PPP2R2B: variants seen among roughly 807,000 people sequenced by gnomAD.
PPP2R2B encodes the protein serine/threonine-protein phosphatase 2A 55 kDa regulatory subunit B beta isoform.
In PPP2R2B, 5 loss-of-function variants were observed where a neutral mutation model predicts 46.0. The observed-to-expected ratio is 0.11, with a 90% confidence interval of 0.06 to 0.23. PPP2R2B has a LOEUF of 0.23. PPP2R2B is among the 10% of genes least tolerant of loss of function. PPP2R2B has a pLI of 1.00. For missense variants in PPP2R2B, 367 were observed against 575.0 expected (o/e 0.64, Z 3.70); for synonymous variants, 215 against 206.7 (o/e 1.04, Z -0.34).
rs144313831 is a variant in PPP2R2B at position 147,066,689 on chromosome 5, T to A, written c.50+14370A>T. 3.5e-4 allele frequency among the ~76,000 whole-genome samples: 54 copies of A among 152,324 alleles called. No homozygotes were observed. The East Asian group carries it at 7.3e-3, about 21-fold the overall frequency. On this transcript the variant is annotated intron_variant, in intron 2 of 10. Coordinates refer to the PPP2R2B transcript ENST00000394413. ...CACCGTATTAGACAAATAAGAAAGA[T>A]ATGGCCCCTGTCTTAATGCCTTTCT... is the stretch of plus-strand genomic sequence containing the variant.
At chr5:146,877,739 G>GC (rs1761978879) in intron 2 of PPP2R2B, among the ~76,000 whole-genome samples, 1 of 152,094 alleles carries the variant, frequency 6.6e-6, no homozygotes, top group Non-Finnish European at 1.5e-5. Context: ...CTGGGCGAGA[G>GC]CCCCACCCTG....
At chr5:146,856,536 G>A in intron 2 of PPP2R2B, 1 of 1,612,550 alleles carries the variant, frequency 6.2e-7, no homozygotes, top group Non-Finnish European at 8.5e-7. Context: ...GATAATTCAT[G>A]CTTCATTATT....
chr5:146,863,953 G>T (rs1761160390), intron 2 of PPP2R2B, among the ~76,000 whole-genome samples: 2 of 152,094 alleles, frequency 1.3e-5, no homozygotes, highest in South Asian at 4.1e-4. Flanking sequence ...AATATGGACA[G>T]AACAAAAGTG....
intron 2 of PPP2R2B, among the ~76,000 whole-genome samples, chr5:146,831,044 T>C (rs1017278605): frequency 1.3e-5 from 2 of 152,104 alleles, no homozygotes; most frequent in Non-Finnish European, 2.9e-5. Flanking sequence ...TACTCTGCTG[T>C]CAGTTGTATA....
chr5:146,798,913 C>T lies in PPP2R2B; in HGVS notation c.70+79089G>A, dbSNP rs116634912. On this transcript the variant is annotated intron_variant, in intron 2 of 9. Coordinates refer to ENST00000394411, the MANE Select transcript of PPP2R2B (RefSeq NM_181675.4). ...CCACTTCACTTCTGTCTTCTTTTTCCTTGTGAGCCTGTTTAAAGGGATCTA... is the reference window on the plus strand; with the variant it reads ...CCACTTCACTTCTGTCTTCTTTTTCTTTGTGAGCCTGTTTAAAGGGATCTA... 4.6e-3 allele frequency among the ~76,000 whole-genome samples: 702 copies of T among 152,234 alleles called. 4 individuals carry two copies. The highest frequency in any genetic ancestry group is 0.016 in the African/African-American group (678 of 41,542).
At chr5:146,968,414 A>G (rs531197908) in intron 1 of PPP2R2B, among the ~76,000 whole-genome samples, 81 of 152,292 alleles carry the variant, frequency 5.3e-4, no homozygotes, top group African/African-American at 1.9e-3. Context: ...AAAGTGGGTT[A>G]GATACAGTGG....
At chr5:147,045,664 G>A (rs1756511586) in intron 1 of PPP2R2B, among the ~76,000 whole-genome samples, 1 of 152,008 alleles carries the variant, frequency 6.6e-6, no homozygotes, top group Non-Finnish European at 1.5e-5. Flanking sequence ...ATTTTTAAAT[G>A]TACACCCCTC....
At chr5:146,760,705 C>T (rs181293948) in intron 2 of PPP2R2B, among the ~76,000 whole-genome samples, 404 of 152,234 alleles carry the variant, frequency 2.7e-3, no homozygotes, top group African/African-American at 9.2e-3. Context: ...GTGAGGGATG[C>T]ATTGGAAATA....
At chr5:146,809,853 G>C (rs1353320849) in intron 2 of PPP2R2B, among the ~76,000 whole-genome samples, 1 of 152,184 alleles carries the variant, frequency 6.6e-6, no homozygotes, top group South Asian at 2.1e-4. Flanking sequence ...ACCCGGTAGG[G>C]GCTCTGTCTG....
chr5:146,603,767 C>T (rs1432264897), intron 7 of PPP2R2B, among the ~76,000 whole-genome samples: 1 of 152,126 alleles, frequency 6.6e-6, no homozygotes, highest in African/African-American at 2.4e-5. Flanking sequence ...GTTAAAACAG[C>T]CTATGAAGTA....
At chr5:146,641,496 C>A (rs1398174937) in intron 6 of PPP2R2B, among the ~76,000 whole-genome samples, 1 of 117,178 alleles carries the variant, frequency 8.5e-6, no homozygotes, top group Non-Finnish European at 1.7e-5. Flanking sequence ...TTTTTATGTG[C>A]TCTAAGATTT....
intron 1 of PPP2R2B, among the ~76,000 whole-genome samples, chr5:146,898,559 C>T (rs1762722715): frequency 6.6e-6 from 1 of 151,424 alleles, no homozygotes; most frequent in African/African-American, 2.4e-5. Context: ...AGGACATAGG[C>T]ATGGGCAAGG....
At chr5:147,020,673 G>T (rs1277339080) in intron 1 of PPP2R2B, among the ~76,000 whole-genome samples, 1 of 152,000 alleles carries the variant, frequency 6.6e-6, no homozygotes, top group Admixed American at 6.6e-5. Context: ...TGACAGAGAA[G>T]GTATATTCAA....
chr5:146,826,626 A>G (rs1561938321), intron 2 of PPP2R2B, among the ~76,000 whole-genome samples: 1 of 152,176 alleles, frequency 6.6e-6, no homozygotes, highest in Non-Finnish European at 1.5e-5. Flanking sequence ...TGCAGCATAA[A>G]GAAATTCAAT....
At position 146,698,213 on chromosome 5, in the gene PPP2R2B, C is replaced by CT. The variant is rs575978395; in HGVS notation, c.169-70dup. 215 of 1,335,082 alleles carry CT rather than the reference C, an allele frequency of 1.6e-4. No homozygotes were observed. The Middle Eastern group carries it at 4.4e-3, about 27-fold the overall frequency. The allele number at this position is 1,335,082 out of a possible 1,614,324, so 82.7% of individuals were successfully genotyped here. ...GCCAACTGTAAAACTCGCCAACTCCCTTTTTTTTCCAGCAGTCATTGGGGG... is the reference window on the plus strand; with the variant it reads ...GCCAACTGTAAAACTCGCCAACTCCCTTTTTTTTTCCAGCAGTCATTGGGGG... On this transcript the variant is annotated intron_variant, in intron 3 of 9. Coordinates refer to ENST00000394411, the MANE Select transcript of PPP2R2B (RefSeq NM_181675.4).
chr5:147,056,329 A>AT (rs1490851123), upstream of PPP2R2B, among the ~76,000 whole-genome samples: 2 of 152,134 alleles, frequency 1.3e-5, no homozygotes, highest in African/African-American at 2.4e-5. Flanking sequence ...ATTTAGTTCT[A>AT]TTTTTTAAAA....
Position 146,706,046 on chromosome 5 carries a change from C to G in PPP2R2B, c.71-4904G>C, listed in dbSNP as rs369110472. Among the ~76,000 whole-genome samples the G allele has an allele frequency of 7.4e-3, 1,127 of 151,676 alleles. 11 individuals are homozygous for G. The highest frequency in any genetic ancestry group is 8.7e-3 in the Non-Finnish European group (588 of 67,888). On this transcript the variant is annotated intron_variant, in intron 2 of 9. Coordinates refer to ENST00000394411, the MANE Select transcript of PPP2R2B (RefSeq NM_181675.4). ...TGTGGCTGGAGGCATGGGCAAGGGG[C>G]GGGGGTCCCCAGGCAGTGAACTCCC...
chr5:146,740,586 C>T (rs960160065), intron 2 of PPP2R2B, among the ~76,000 whole-genome samples: 1 of 122,310 alleles, frequency 8.2e-6, no homozygotes, highest in Non-Finnish European at 1.6e-5. Context: ...CACACACACA[C>T]ACACACACAC....
intron 2 of PPP2R2B, among the ~76,000 whole-genome samples, chr5:146,814,012 A>G (rs532015927): frequency 1.4e-4 from 21 of 152,316 alleles, no homozygotes; most frequent in African/African-American, 4.3e-4. Flanking sequence ...CACTTGAAGA[A>G]TATCAGTAAG....
Sources: gnomAD v4.1 joint callset for allele counts (sites outside exome capture counted in the v4.1 genomes callset) on GRCh38, gnomAD v4.1.1 for gene constraint, MANE v1.5 for transcripts, NCBI Gene and HGNC (gene_info 2026-07-23, HGNC 2026-07-21) for gene names.